The following NXPE2 variants were observed in gnomAD, a reference collection of about 807,000 sequenced individuals.
NXPE2 encodes the protein NXPE family member 2.
NXPE2 carries 34 observed loss-of-function variants against 34.4 expected under a neutral mutation model. The observed-to-expected ratio is 0.99, with a 90% CI of 0.75 to 1.31. The LOEUF (loss-of-function observed/expected upper bound fraction) is 1.31, where lower values mean the gene tolerates loss of function less well. NXPE2 is among the 40% of genes most tolerant of loss of function. The pLI, the probability that NXPE2 is intolerant of heterozygous loss-of-function variation, is 0.00. For missense variants in NXPE2, 649 were observed against 672.5 expected, an observed-to-expected ratio of 0.97 and a Z score of 0.39; for synonymous variants, 235 against 231.3, an observed-to-expected ratio of 1.02 and a Z score of -0.15.
chr11:114,655,904 C>T, the NXPE2 span, among the ~76,000 whole-genome samples: 1 of 152,162 alleles, frequency 6.6e-6, no homozygotes, highest in Non-Finnish European at 1.5e-5. Context: ...TTCTATTCTA[C>T]ATAGTTTTGG....
At chr11:114,501,749 G>C in the NXPE2 span, among the ~76,000 whole-genome samples, 2 of 152,104 alleles carry the variant, frequency 1.3e-5, no homozygotes, top group Non-Finnish European at 2.9e-5. Context: ...GGGCTTTGGA[G>C]GTAAGAAGGG....
the NXPE2 span, among the ~76,000 whole-genome samples, chr11:114,626,612 C>T: frequency 3.0e-4 from 45 of 152,166 alleles, no homozygotes; most frequent in East Asian, 1.9e-4. Flanking sequence ...AAAAGCAGAG[C>T]GCCTCTCCTC....
the NXPE2 span, among the ~76,000 whole-genome samples, chr11:114,534,372 G>T: frequency 6.6e-6 from 1 of 152,326 alleles, no homozygotes; most frequent in Non-Finnish European, 1.5e-5. Context: ...CTAAAAATCA[G>T]AGCGCCTCTT....
chr11:114,541,449 A>G, the NXPE2 span, among the ~76,000 whole-genome samples: 2 of 152,228 alleles, frequency 1.3e-5, no homozygotes, highest in Non-Finnish European at 2.9e-5. Context: ...AATGTCGATG[A>G]AAAGAGTCAA....
chr11:114,643,668 G>A, the NXPE2 span, among the ~76,000 whole-genome samples: 2 of 151,584 alleles, frequency 1.3e-5, no homozygotes, highest in African/African-American at 4.8e-5. Flanking sequence ...TAGCCTTGTA[G>A]TATAGTTTAA....
chr11:114,629,707 A>C, the NXPE2 span, among the ~76,000 whole-genome samples: 3 of 151,948 alleles, frequency 2.0e-5, no homozygotes, highest in Admixed American at 6.6e-5. Flanking sequence ...AGGGTATTCA[A>C]TTAGGAAAAG....
At chr11:114,571,140 C>G in the NXPE2 span, 1 of 1,613,738 alleles carries the variant, frequency 6.2e-7, no homozygotes, top group Non-Finnish European at 8.5e-7. Flanking sequence ...GTACATCTCC[C>G]TGATGTTTTC....
At chr11:114,546,112 G>C in the NXPE2 span, among the ~76,000 whole-genome samples, 1 of 152,228 alleles carries the variant, frequency 6.6e-6, no homozygotes, top group African/African-American at 2.4e-5. Context: ...ACATAACCTT[G>C]CTGGATAAAA....
At chr11:114,657,032 T>C in the NXPE2 span, among the ~76,000 whole-genome samples, 1 of 152,172 alleles carries the variant, frequency 6.6e-6, no homozygotes, top group Non-Finnish European at 1.5e-5. Context: ...AGGCAGAGCT[T>C]GCAGTGAGCT....
At chr11:114,717,633 C>T in the NXPE2 span, among the ~76,000 whole-genome samples, 2 of 152,344 alleles carry the variant, frequency 1.3e-5, no homozygotes, top group Non-Finnish European at 2.9e-5. Context: ...GATAATGCCA[C>T]ACATCTTTCA....
the NXPE2 span, among the ~76,000 whole-genome samples, chr11:114,737,717 C>T: frequency 6.6e-6 from 1 of 152,110 alleles, no homozygotes; most frequent in Non-Finnish European, 1.5e-5. Flanking sequence ...CCTCTTGAAT[C>T]TAAACCAACT....
Position 114,698,552 on chromosome 11 carries a change from A to G in NXPE2, c.640A>G (p.Ile214Val). ...WRARNQGCDR[I>V]IFTGLFANRS... ...GGCAAGGAACCAAGGATGTGATAGG[A>G]TCATCTTCACTGGCCTGTTTGCCAA... The change falls in exon 3 of 6, where the codon ATC (isoleucine) becomes GTC (valine). Residue 214 changes from isoleucine to valine, a missense_variant. By Grantham distance (29) the Ile-to-Val change is conservative. Transcript: ENST00000389586. 1.2e-6 allele frequency: 2 copies of G among 1,614,122 alleles called. No individual in the cohort carries two copies. The highest frequency in any genetic ancestry group is 1.7e-6 in the Non-Finnish European group (2 of 1,180,002).
the NXPE2 span, among the ~76,000 whole-genome samples, chr11:114,609,517 G>A: frequency 5.3e-5 from 8 of 151,834 alleles, no homozygotes; most frequent in Non-Finnish European, 1.0e-4. Context: ...AATAAGTACT[G>A]CTTCGTGGGT....
the NXPE2 span, among the ~76,000 whole-genome samples, chr11:114,768,536 T>C: frequency 6.6e-6 from 1 of 152,202 alleles, no homozygotes; most frequent in Non-Finnish European, 1.5e-5. Context: ...ATTCTTCCTA[T>C]CCATGAGCAT....
the NXPE2 span, among the ~76,000 whole-genome samples, chr11:114,656,044 C>G: frequency 6.6e-6 from 1 of 152,064 alleles, no homozygotes; most frequent in Admixed American, 6.6e-5. Context: ...ATCTCAGCCC[C>G]AAAACTTCTT....
chr11:114,734,013 T>C, the NXPE2 span, among the ~76,000 whole-genome samples: 1 of 152,196 alleles, frequency 6.6e-6, no homozygotes, highest in Non-Finnish European at 1.5e-5. Context: ...AATCAGTAAA[T>C]GGCAGCAGGA....
the NXPE2 span, among the ~76,000 whole-genome samples, chr11:114,736,679 CTAAAG>C: frequency 6.9e-6 from 1 of 145,624 alleles, no homozygotes; most frequent in African/African-American, 2.8e-5. Context: ...GATTAAGAGA[CTAAAG>C]TAAAGACAGG....
At chr11:114,591,711 A>G in the NXPE2 span, among the ~76,000 whole-genome samples, 12 of 152,202 alleles carry the variant, frequency 7.9e-5, no homozygotes, top group African/African-American at 2.9e-4. Context: ...CCTTCACCAA[A>G]TATACCTCAA....
At chr11:114,790,234 G>A in the NXPE2 span, among the ~76,000 whole-genome samples, 3 of 152,176 alleles carry the variant, frequency 2.0e-5, no homozygotes, top group Non-Finnish European at 4.4e-5. Flanking sequence ...TTCCAAACAA[G>A]GGTCAATAGA....
Sources: allele counts gnomAD v4.1 joint callset (sites outside exome capture counted in the v4.1 genomes callset), GRCh38; gene constraint gnomAD v4.1.1; transcripts MANE v1.5; gene names NCBI Gene and HGNC (gene_info 2026-07-23, HGNC 2026-07-21).